The following SYN3 variants were observed in gnomAD, a reference collection of about 807,000 sequenced individuals.
The protein encoded by SYN3 is synapsin-3.
Under a neutral mutation model 65.8 loss-of-function variants are expected in SYN3, and 35 were observed. That is an observed-to-expected ratio of 0.53 (90% CI 0.41 to 0.70). SYN3 has a LOEUF of 0.70. Among genes scored for constraint, SYN3 ranks in the 30% least tolerant of loss-of-function variants. The pLI, the probability that SYN3 is intolerant of heterozygous loss-of-function variation, is 0.00. For missense variants in SYN3, 680 were observed against 749.0 expected, an observed-to-expected ratio of 0.91 and a Z score of 1.08; for synonymous variants, 270 against 292.9, an observed-to-expected ratio of 0.92 and a Z score of 0.80.
chr22:32,586,092 GTA>G (rs202213722), intron 7 of SYN3, among the ~76,000 whole-genome samples: 2,522 of 149,116 alleles, frequency 0.017, 26 homozygotes, highest in Non-Finnish European at 0.027. Context: ...ATGTATATAT[GTA>G]TATATGTATA....
At chr22:32,675,192 C>T (rs919805624) in intron 6 of SYN3, among the ~76,000 whole-genome samples, 8 of 152,206 alleles carry the variant, frequency 5.3e-5, no homozygotes, top group African/African-American at 1.9e-4. Context: ...GGAGAACTTT[C>T]TTTGGCCCCT....
At chr22:32,522,156 T>A (rs1380001557) in intron 12 of SYN3, among the ~76,000 whole-genome samples, 1 of 152,232 alleles carries the variant, frequency 6.6e-6, no homozygotes, top group Non-Finnish European at 1.5e-5. Context: ...TGAGTTGAAA[T>A]GAACAGCAAG....
At chr22:32,588,794 T>C (rs1259447196) in intron 7 of SYN3, among the ~76,000 whole-genome samples, 2 of 152,218 alleles carry the variant, frequency 1.3e-5, no homozygotes, top group African/African-American at 2.4e-5. Context: ...TTGAGCTTAA[T>C]TTCTAATTCT....
At chr22:32,536,382 G>A (rs925167356) in intron 9 of SYN3, among the ~76,000 whole-genome samples, 58 of 152,226 alleles carry the variant, frequency 3.8e-4, no homozygotes, top group Non-Finnish European at 1.8e-4. Flanking sequence ...TCTGGATTAG[G>A]TGCAGCCCTC....
intron 6 of SYN3, among the ~76,000 whole-genome samples, chr22:32,840,197 G>A (rs1305450442): frequency 6.6e-6 from 1 of 152,100 alleles, no homozygotes. Flanking sequence ...GTGTGTCTTT[G>A]GGTTTATTTT....
intron 4 of SYN3, among the ~76,000 whole-genome samples, chr22:32,891,169 T>C (rs1311806898): frequency 6.6e-6 from 1 of 152,164 alleles, no homozygotes; most frequent in East Asian, 1.9e-4. Context: ...AGACTTTGCT[T>C]TCTGAATCCC....
intron 6 of SYN3, among the ~76,000 whole-genome samples, chr22:32,820,004 G>A (rs1040760431): frequency 2.0e-5 from 3 of 152,106 alleles, no homozygotes; most frequent in Non-Finnish European, 4.4e-5. Flanking sequence ...AGAGCCCAAG[G>A]GAATCAGGGC....
chr22:32,694,863 G>T (rs554901059), intron 6 of SYN3, among the ~76,000 whole-genome samples: 1 of 152,220 alleles, frequency 6.6e-6, no homozygotes, highest in Non-Finnish European at 1.5e-5. Context: ...GCTGGTGAAT[G>T]TCTTTCAGCT....
At position 32,511,205 on chromosome 22, in the gene SYN3, G is replaced by A. The variant is rs372574853; in HGVS notation, c.*2487C>T. On this transcript the variant is annotated 3_prime_UTR_variant, in exon 14 of 14. Coordinates refer to ENST00000358763, the MANE Select transcript of SYN3 (RefSeq NM_003490.4). ...TCTTCAGAAATTCCAAGGGAGTGGT[G>A]AAAGAATTAAGTGAGCAGCAGCAGG... 2.2e-4 allele frequency among the ~76,000 whole-genome samples: 34 copies of A among 152,270 alleles called. 2 individuals are homozygous for A. The South Asian group carries it at 5.4e-3, about 24-fold the overall frequency.
At chr22:32,660,404 G>T (rs758508529) in intron 6 of SYN3, among the ~76,000 whole-genome samples, 196 of 152,256 alleles carry the variant, frequency 1.3e-3, no homozygotes, top group Non-Finnish European at 2.5e-3. Context: ...AAATGGACAC[G>T]GCTCCGTGTG....
rs1276578692 is a variant in SYN3, at chr22:32,752,963, C to G, written c.711+111952G>C. Among the ~76,000 whole-genome samples the G allele has an allele frequency of 2.0e-5, 3 of 152,128 alleles. No homozygotes were observed. In the East Asian group the frequency reaches 5.8e-4, roughly 29 times the overall value. ...AAACCGAGCACTCTGGGGAACAGCT[C>G]CAGCCTCCCCCAGAACCACTGAAAC... On this transcript the variant is annotated intron_variant, in intron 6 of 13. Transcript: ENST00000358763.
At chr22:32,744,353 A>T (rs1332749267) in intron 6 of SYN3, among the ~76,000 whole-genome samples, 1 of 152,182 alleles carries the variant, frequency 6.6e-6, no homozygotes, top group Non-Finnish European at 1.5e-5. Flanking sequence ...TGTAATAGAC[A>T]AATCACCAAC....
chr22:32,896,001 C>T (rs1432947432), intron 4 of SYN3, among the ~76,000 whole-genome samples: 2 of 152,138 alleles, frequency 1.3e-5, no homozygotes, highest in African/African-American at 4.8e-5. Context: ...GTGCTCAGCA[C>T]ATAGAAAAAT....
intron 6 of SYN3, among the ~76,000 whole-genome samples, chr22:32,819,731 G>C (rs550614993): frequency 3.9e-5 from 6 of 152,188 alleles, no homozygotes; most frequent in African/African-American, 1.4e-4. Flanking sequence ...TTTTGTTTTC[G>C]AAAGTTCAAA....
chr22:32,862,081 A>G (rs1418417555), intron 6 of SYN3: 3 of 152,518 alleles, frequency 2.0e-5, no homozygotes, highest in African/African-American at 7.2e-5. Context: ...TGGAATCCCA[A>G]TGGCTCCTGG....
At chr22:32,919,416 T>C (rs1267726026) in intron 4 of SYN3, among the ~76,000 whole-genome samples, 1 of 152,180 alleles carries the variant, frequency 6.6e-6, no homozygotes, top group Non-Finnish European at 1.5e-5. Flanking sequence ...GTCTATTTCA[T>C]TCACCACTGT....
chr22:32,690,425 C>T (rs2060646922), intron 6 of SYN3, among the ~76,000 whole-genome samples: 1 of 152,178 alleles, frequency 6.6e-6, no homozygotes. Context: ...ACTCTTTCTC[C>T]ACACCAACCT....
chr22:32,608,742 G>A (rs1421117572), intron 6 of SYN3, among the ~76,000 whole-genome samples: 1 of 152,164 alleles, frequency 6.6e-6, no homozygotes, highest in Non-Finnish European at 1.5e-5. Context: ...AGCCTTTCCA[G>A]TCTCAGCTGC....
rs1188224009 is a variant in SYN3, at chr22:32,692,155, CAAA to C, written c.712-95422_712-95420del. 3.4e-3 allele frequency among the ~76,000 whole-genome samples: 117 copies of C among 34,490 alleles called. 1 individual carries two copies. Among genetic ancestry groups the C allele is most frequent in the African/African-American group, 0.021 (113 of 5,274 alleles). The allele number at this position is 34,490 out of a possible 152,430, so 22.6% of individuals were successfully genotyped here. The stretch of plus-strand genomic sequence containing the variant: ...ATACAAAAAAGAAAAGACAAAAAGA[CAAA>C]AAAAAAAAAAAAAAAAAACAGGACG... On this transcript the variant is annotated intron_variant, in intron 6 of 13. Transcript: ENST00000358763.
Sources: gnomAD v4.1 joint callset for allele counts (sites outside exome capture counted in the v4.1 genomes callset) on GRCh38, gnomAD v4.1.1 for gene constraint, MANE v1.5 for transcripts, NCBI Gene and HGNC (gene_info 2026-07-23, HGNC 2026-07-21) for gene names.